The following POLR3GL variants were observed in gnomAD, a reference collection of about 807,000 sequenced individuals.
The protein encoded by POLR3GL is DNA-directed RNA polymerase III subunit RPC7-like.
A neutral mutation model predicts 32.4 loss-of-function variants in POLR3GL; 26 were observed. The observed-to-expected ratio is 0.80, with a 90% CI of 0.59 to 1.11. The LOEUF (loss-of-function observed/expected upper bound fraction) is 1.11. Ranked by LOEUF, POLR3GL falls within the 50% of genes most tolerant of loss-of-function variation. POLR3GL has a pLI of 0.00. For missense variants in POLR3GL, 229 were observed against 280.1 expected (o/e 0.82, Z 1.30); for synonymous variants, 95 against 98.7 (o/e 0.96, Z 0.22).
rs1553763933 is a variant in POLR3GL, at chr1:145,978,815, T to C, written c.*368T>C. 1 of 187,200 alleles carries C rather than the reference T, an allele frequency of 5.3e-6. No homozygotes were observed. The highest frequency in any genetic ancestry group is 2.4e-5 in the African/African-American group (1 of 42,524). The allele number at this position is 187,200 out of a possible 1,614,324, so 11.6% of individuals were successfully genotyped here. On this transcript the variant is annotated 3_prime_UTR_variant, in exon 8 of 8. Coordinates refer to ENST00000369314, the MANE Select transcript of POLR3GL (RefSeq NM_032305.3). ...GAGCAGTTTGAAGGAGTAAGCCTGG[T>C]TTTATACTTTTAAATAAAGTGTTTT...
chr1:145,977,746 T>A (rs1403929540), intron 5 of POLR3GL, 32 bp from the exon 6 acceptor site: 1 of 1,609,000 alleles, frequency 6.2e-7, no homozygotes, highest in Non-Finnish European at 8.5e-7. Flanking sequence ...AAATTTGCTC[T>A]CTGAAGGTTT....
chr1:145,967,717 T>C (rs938134326), intron 1 of POLR3GL, among the ~76,000 whole-genome samples: 19 of 152,208 alleles, frequency 1.2e-4, no homozygotes, highest in Admixed American at 8.5e-4. Context: ...AAGTATTGTT[T>C]GTTTGCTGAT....
Position 145,975,399 on chromosome 1 carries a change from G to A in POLR3GL, c.219G>A (p.Gln73=), listed in dbSNP as rs1650505824. 2 of 1,614,128 alleles carry A rather than the reference G, an allele frequency of 1.2e-6. No homozygotes were observed. Among genetic ancestry groups the A allele is most frequent in the Admixed American group, 1.7e-5 (1 of 60,022 alleles). The stretch of plus-strand genomic sequence containing the variant: ...AAGAGCTACGAGGAGCCATGAGGCA[G>A]CTCCCCTACTTCATCCGGCCAGCTG... The part of the protein sequence containing the change: ...LKQELRGAMR[Q]LPYFIRPAVP... The change falls in exon 3 of 8, where the codon CAG becomes CAA. Residue 73 remains glutamine, a synonymous_variant. Transcript: ENST00000369314.
chr1:145,976,928 A>AAAT lies in POLR3GL; in HGVS notation c.257-154_257-153insTAA, dbSNP rs1553763475. Among the ~76,000 whole-genome samples the AAAT allele has an allele frequency of 9.4e-5, 12 of 127,726 alleles. 1 individual carries two copies. Among genetic ancestry groups the AAAT allele is most frequent in the African/African-American group, 4.3e-4 (12 of 27,954 alleles). The allele number at this position is 127,726 out of a possible 152,430, so 83.8% of individuals were successfully genotyped here. On this transcript the variant is annotated intron_variant, in intron 3 of 7. Coordinates refer to ENST00000369314, the MANE Select transcript of POLR3GL (RefSeq NM_032305.3). ...ACTCTGTCTCAAAAAAAAAAAAAAA[A>AAAT]AAAGTAGATAAGGTCCTCACTGAAG... is the stretch of plus-strand genomic sequence containing the variant.
chr1:145,977,683 G>C, intron 5 of POLR3GL, 95 bp from the exon 6 acceptor site: 1 of 1,344,356 alleles, frequency 7.4e-7, no homozygotes, highest in Non-Finnish European at 1.1e-6. Context: ...GTGGCCACAT[G>C]AGGGCAGCAG....
intron 5 of POLR3GL, 42 bp downstream of exon 5, chr1:145,977,581 T>G: frequency 6.4e-7 from 1 of 1,574,174 alleles, no homozygotes; most frequent in Non-Finnish European, 8.7e-7. Flanking sequence ...AGAGGTTTCC[T>G]TCATCAGCCT....
At chr1:145,972,131 A>C (rs1553762817) in intron 1 of POLR3GL, among the ~76,000 whole-genome samples, 8 of 150,740 alleles carry the variant, frequency 5.3e-5, no homozygotes, top group Non-Finnish European at 1.5e-5. Flanking sequence ...CCTGAATCCC[A>C]GCACTTTGGG....
Position 145,974,956 on chromosome 1 carries a change from C to T in POLR3GL, c.91C>T (p.Pro31Ser). The T allele has an allele frequency of 1.3e-6, 2 of 1,516,798 alleles. No individual in the cohort carries two copies. The highest frequency in any genetic ancestry group is 8.8e-7 in the Non-Finnish European group (1 of 1,137,646). 94.0% of individuals were successfully genotyped at this position (1,516,798 alleles called of 1,614,324 possible). A position where few individuals can be genotyped will look rare whatever the true frequency, so the allele number is the denominator to read the frequency against. ...GGGCATTGGGAAAGGGGATGCTTTG[C>T]CCCCACCCACCCTGCAGCCTTCTCC... ...AVGIGKGDAL[P>S]PPTLQPSPLF... Residue 31 changes from proline (P) to serine (S), a missense_variant, in exon 2 of 8, where the codon CCC becomes TCC. Pro to Ser is a moderately conservative substitution (Grantham distance 74, BLOSUM62 -1). Transcript: ENST00000369314.
chr1:145,967,367 G>T (rs139656584), intron 1 of POLR3GL, among the ~76,000 whole-genome samples: 42 of 151,936 alleles, frequency 2.8e-4, no homozygotes, highest in African/African-American at 9.4e-4. Context: ...GTAGAGACAG[G>T]GTTTCTCTAT....
At chr1:145,968,533 T>G (rs2101929251) in intron 1 of POLR3GL, among the ~76,000 whole-genome samples, 1 of 152,266 alleles carries the variant, frequency 6.6e-6, no homozygotes, top group Admixed American at 6.5e-5. Flanking sequence ...GGTTAGAATG[T>G]TCTCTCGCTT....
At chr1:145,977,948 A>G in intron 6 of POLR3GL, 35 bp from the exon 7 acceptor site, 2 of 1,613,946 alleles carry the variant, frequency 1.2e-6, no homozygotes, top group Non-Finnish European at 1.7e-6. Flanking sequence ...TGTGAACTGA[A>G]CCTGAGTTTC....
At chr1:145,976,526 G>A (rs1383747756) in intron 3 of POLR3GL, among the ~76,000 whole-genome samples, 1 of 151,650 alleles carries the variant, frequency 6.6e-6, no homozygotes, top group African/African-American at 2.4e-5. Context: ...GCAGTGGGCT[G>A]AGATCACGCC....
At chr1:145,969,952 C>A (rs1650205926) in intron 1 of POLR3GL, among the ~76,000 whole-genome samples, 1 of 151,508 alleles carries the variant, frequency 6.6e-6, no homozygotes, top group African/African-American at 2.4e-5. Flanking sequence ...ACACAACTCT[C>A]CCCACCAGAA....
At chr1:145,965,005 C>T (rs1649955125) in intron 1 of POLR3GL, among the ~76,000 whole-genome samples, 1 of 152,170 alleles carries the variant, frequency 6.6e-6, no homozygotes, top group Non-Finnish European at 1.5e-5. Flanking sequence ...TCTGTCTTTG[C>T]TATAGCATCA....
At chr1:145,967,243 C>A (rs1332873591) in intron 1 of POLR3GL, among the ~76,000 whole-genome samples, 1 of 151,114 alleles carries the variant, frequency 6.6e-6, no homozygotes, top group Non-Finnish European at 1.5e-5. Context: ...GGTGAGATCT[C>A]AGCTCACTGC....
Position 145,977,112 on chromosome 1 carries a change from G to C in POLR3GL, c.285G>C (p.Gln95His). The C allele has an allele frequency of 6.2e-7, 1 of 1,613,926 alleles. No homozygotes were observed. Among genetic ancestry groups the C allele is most frequent in the South Asian group, 1.1e-5 (1 of 91,078 alleles). ...TGGAGCGTTATTCAGACAAATATCA[G>C]ATGTCAGGTCCGATTGACAATGCCA... ...RDVERYSDKYQMSGPIDNAID... is the reference protein window; with the variant it reads ...RDVERYSDKYHMSGPIDNAID... The change falls in exon 4 of 8, where the codon CAG becomes CAC. Residue 95 changes from glutamine to histidine, a missense_variant. Gln to His is a conservative substitution (Grantham distance 24). Transcript: ENST00000369314.
At chr1:145,974,742 TA>T (rs1650471075) in intron 1 of POLR3GL, 82 bp from the exon 2 acceptor site, 1 of 945,854 alleles carries the variant, frequency 1.1e-6, no homozygotes, top group Admixed American at 4.2e-5. Flanking sequence ...GTCCCAGAGA[TA>T]AAAGATTGAA....
Position 145,977,768 on chromosome 1 carries a change from C to G in POLR3GL, c.383-10C>G. 1 of 1,613,350 alleles carries G rather than the reference C, an allele frequency of 6.2e-7. No individual in the cohort carries two copies. Among genetic ancestry groups the G allele is most frequent in the Non-Finnish European group, 8.5e-7 (1 of 1,179,468 alleles). On this transcript the variant is annotated splice_polypyrimidine_tract_variant and intron_variant, in intron 5 of 7. Coordinates refer to ENST00000369314, the MANE Select transcript of POLR3GL (RefSeq NM_032305.3). The stretch of plus-strand genomic sequence containing the variant: ...CTCTCTGAAGGTTTACCTTTTGATC[C>G]CTCCACCAGGGATTACAATTCTGCT...
intron 3 of POLR3GL, 148 bp from the exon 4 acceptor site, chr1:145,976,936 A>AAGTTT: frequency 1.8e-6 from 1 of 558,282 alleles, no homozygotes. Flanking sequence ...AAAAAAGTAG[A>AAGTTT]TAAGGTCCTC....
Sources: gnomAD v4.1 joint callset for allele counts (sites outside exome capture counted in the v4.1 genomes callset) on GRCh38, gnomAD v4.1.1 for gene constraint, MANE v1.5 for transcripts, NCBI Gene and HGNC (gene_info 2026-07-23, HGNC 2026-07-21) for gene names.